The following TTLL11 variants were observed in gnomAD, a reference collection of about 807,000 sequenced individuals.
The protein encoded by TTLL11 is tubulin tyrosine ligase like 11, also known as tubulin polyglutamylase TTLL11.
In TTLL11, 42 loss-of-function variants were observed where a neutral mutation model predicts 51.7. That is an observed-to-expected ratio of 0.81 (90% CI 0.64 to 1.05). The LOEUF (loss-of-function observed/expected upper bound fraction) is 1.05. Among genes scored for constraint, TTLL11 ranks in the 50% least tolerant of loss-of-function variants. The pLI is 0.00. For missense variants in TTLL11, 799 were observed against 940.4 expected, an observed-to-expected ratio of 0.85 and a Z score of 1.97; for synonymous variants, 381 against 383.5, an observed-to-expected ratio of 0.99 and a Z score of 0.08.
chr9:122,055,218 T>TAGATAGAC (rs1468235382), intron 1 of TTLL11, among the ~76,000 whole-genome samples: 1 of 149,940 alleles, frequency 6.7e-6, no homozygotes, highest in African/African-American at 2.5e-5. Flanking sequence ...GATAGATAGA[T>TAGATAGAC]AGATAGATAG....
intron 3 of TTLL11, among the ~76,000 whole-genome samples, chr9:121,992,413 C>T (rs1843143307): frequency 6.6e-6 from 1 of 152,140 alleles, no homozygotes; most frequent in South Asian, 2.1e-4. Flanking sequence ...AAAATATCAT[C>T]GATATTCCTG....
chr9:121,939,641 G>C (rs1196784721), intron 6 of TTLL11, among the ~76,000 whole-genome samples: 1 of 151,862 alleles, frequency 6.6e-6, no homozygotes, highest in Admixed American at 6.6e-5. Flanking sequence ...ATCTTGGTGG[G>C]GAGTGCATAC....
At chr9:121,918,883 T>C (rs1840430133) in intron 6 of TTLL11, among the ~76,000 whole-genome samples, 1 of 152,238 alleles carries the variant, frequency 6.6e-6, no homozygotes, top group Non-Finnish European at 1.5e-5. Context: ...ACATACAGTA[T>C]GGCAGCATTA....
chr9:121,841,564 G>C (rs999610802), intron 8 of TTLL11, among the ~76,000 whole-genome samples: 3 of 152,176 alleles, frequency 2.0e-5, no homozygotes, highest in Non-Finnish European at 4.4e-5. Context: ...TGGAACAGAC[G>C]AGGTGAGCTC....
At chr9:121,872,246 T>C (rs1467536371) in intron 6 of TTLL11, among the ~76,000 whole-genome samples, 1 of 152,230 alleles carries the variant, frequency 6.6e-6, no homozygotes, top group East Asian at 1.9e-4. Flanking sequence ...TCTGTTCCAC[T>C]TTCAAAACCA....
At chr9:121,945,851 C>T (rs56292432) in intron 6 of TTLL11, among the ~76,000 whole-genome samples, 12,900 of 151,800 alleles carry the variant, frequency 0.085, 854 homozygotes, top group African/African-American at 0.19. Context: ...CAAACACACT[C>T]CACTTCCCTG....
At chr9:121,926,930 A>G (rs1449601335) in intron 6 of TTLL11, among the ~76,000 whole-genome samples, 3 of 152,166 alleles carry the variant, frequency 2.0e-5, no homozygotes, top group Non-Finnish European at 4.4e-5. Flanking sequence ...CCTCTTGCAA[A>G]TGCAGACAGC....
At chr9:122,001,310 G>A (rs1358516023) in intron 3 of TTLL11, among the ~76,000 whole-genome samples, 1 of 152,110 alleles carries the variant, frequency 6.6e-6, no homozygotes, top group Non-Finnish European at 1.5e-5. Flanking sequence ...TGGACAGGCT[G>A]GTCTCCAACT....
chr9:121,914,621 T>C (rs1840255478), intron 6 of TTLL11, among the ~76,000 whole-genome samples: 1 of 152,286 alleles, frequency 6.6e-6, no homozygotes, highest in East Asian at 1.9e-4. Context: ...GGCGTCTCCA[T>C]GAAGAGCCTC....
chr9:122,015,681 G>A (rs1348412242), intron 3 of TTLL11, among the ~76,000 whole-genome samples: 8 of 151,970 alleles, frequency 5.3e-5, no homozygotes, highest in African/African-American at 9.7e-5. Context: ...CCCACCGGAC[G>A]GCATCACTTT....
intron 6 of TTLL11, among the ~76,000 whole-genome samples, chr9:121,947,126 G>A (rs1024556957): frequency 1.3e-5 from 2 of 152,142 alleles, no homozygotes; most frequent in Non-Finnish European, 2.9e-5. Context: ...TTTCCACAGT[G>A]CTACGCTGCT....
At chr9:121,854,940 G>A (rs536566024) in intron 8 of TTLL11, among the ~76,000 whole-genome samples, 42 of 152,142 alleles carry the variant, frequency 2.8e-4, no homozygotes, top group African/African-American at 9.9e-4. Context: ...TTTTTTAAAT[G>A]ACAATTAACA....
chr9:121,864,478 A>G (rs967215523), intron 7 of TTLL11, among the ~76,000 whole-genome samples: 6 of 152,224 alleles, frequency 3.9e-5, no homozygotes, highest in African/African-American at 7.2e-5. Flanking sequence ...TGAGCTTTGG[A>G]GTCAAATGCA....
At chr9:122,067,519 T>G (rs551139736) in intron 1 of TTLL11, among the ~76,000 whole-genome samples, 1 of 152,240 alleles carries the variant, frequency 6.6e-6, no homozygotes, top group South Asian at 2.1e-4. Context: ...AGCAAAAGAT[T>G]TTTTATTTAT....
intron 6 of TTLL11, among the ~76,000 whole-genome samples, chr9:121,871,569 C>T (rs1838359420): frequency 1.3e-5 from 2 of 152,220 alleles, no homozygotes; most frequent in Admixed American, 1.3e-4. Flanking sequence ...GCCCTCCTGC[C>T]TCTGGCTTTG....
At position 121,822,993 on chromosome 9, in the gene TTLL11, C is replaced by T. The variant is rs567601007; in HGVS notation, c.1841-114G>A. 1,862 of 1,224,858 alleles carry T rather than the reference C, an allele frequency of 1.5e-3. 2 individuals carry two copies. Among genetic ancestry groups the T allele is most frequent in the Non-Finnish European group, 2.0e-3 (1,759 of 899,342 alleles). The allele number at this position is 1,224,858 out of a possible 1,614,324, so 75.9% of individuals were successfully genotyped here. A position where few individuals can be genotyped will look rare whatever the true frequency, so the allele number is the denominator to read the frequency against. On this transcript the variant is annotated intron_variant, in intron 8 of 8. Transcript: ENST00000321582. The surrounding 1 kb of genome is among the most constrained non-coding windows in gnomAD (Gnocchi z 5.8). ...AAGAGCTAGCCCCGCTCCCCACCAC[C>T]GTCTCCATTCCAGAAACTCCTAACA...
intron 3 of TTLL11, among the ~76,000 whole-genome samples, chr9:121,992,414 G>A (rs1299581768): frequency 2.0e-5 from 3 of 152,124 alleles, no homozygotes; most frequent in East Asian, 3.9e-4. Flanking sequence ...AAATATCATC[G>A]ATATTCCTGG....
rs9919033 is a variant in TTLL11, at chr9:122,048,797, C to T, written c.463-9429G>A. Among the ~76,000 whole-genome samples the T allele has an allele frequency of 2.6e-5, 4 of 152,042 alleles. No homozygotes were observed. The East Asian group carries it at 7.7e-4, about 29-fold the overall frequency. Reference sequence around the variant, plus strand: ...CCCCTCCATGATGATGATCTCTCAGCTCTCTTTGTCTGTGGCCTCTGTCGC... The same window carrying T: ...CCCCTCCATGATGATGATCTCTCAGTTCTCTTTGTCTGTGGCCTCTGTCGC... On this transcript the variant is annotated intron_variant, in intron 1 of 8. Transcript: ENST00000321582.
chr9:121,838,234 C>G (rs1245559491), intron 8 of TTLL11, among the ~76,000 whole-genome samples: 1 of 152,150 alleles, frequency 6.6e-6, no homozygotes, highest in Admixed American at 6.5e-5. Flanking sequence ...AAGCCAGAAG[C>G]CTGAGGTCAT....
Sources: gnomAD v4.1 joint callset for allele counts (sites outside exome capture counted in the v4.1 genomes callset) on GRCh38, gnomAD v4.1.1 for gene constraint, Gnocchi (gnomAD v3.1) non-coding constraint, MANE v1.5 for transcripts, NCBI Gene and HGNC (gene_info 2026-07-23, HGNC 2026-07-21) for gene names.